Variants in ZNF609 observed in about 807,000 individuals in gnomAD.
ZNF609 encodes zinc finger protein 609.
ZNF609 carries 11 observed loss-of-function variants against 109.5 expected under a neutral mutation model. The ratio of observed to expected loss-of-function variants is 0.10; its 90% CI spans 0.06 to 0.17. The LOEUF (loss-of-function observed/expected upper bound fraction) is 0.17, where lower values mean the gene tolerates loss of function less well. Ranked by LOEUF, ZNF609 falls within the 10% of genes least tolerant of loss-of-function variation. The pLI, the probability that ZNF609 is intolerant of heterozygous loss-of-function variation, is 1.00. For synonymous variants in ZNF609, 646 were observed against 662.0 expected (o/e 0.98, Z 0.37); for missense variants, 1,559 against 1,772.4 (o/e 0.88, Z 2.16).
rs983689323 is a variant in ZNF609 at position 64,471,724 on chromosome 15, C to G, written c.-128+10886C>G. Reference sequence around the variant, plus strand: ...TCAGCCTCCTGAGTAGGTGGCATTACAGGCATGCGGCACCACGCCTGGCTA... The same window carrying G: ...TCAGCCTCCTGAGTAGGTGGCATTAGAGGCATGCGGCACCACGCCTGGCTA... On this transcript the variant is annotated intron_variant, in intron 1 of 9. Coordinates refer to ENST00000326648, the MANE Select transcript of ZNF609 (RefSeq NM_015042.2). Among the ~76,000 whole-genome samples, 47 of 150,714 alleles carry G rather than the reference C, an allele frequency of 3.1e-4. 1 individual carries two copies. The highest frequency in any genetic ancestry group is 1.0e-3 in the African/African-American group (42 of 40,960).
chr15:64,649,135 G>T (rs150242725), intron 3 of ZNF609, among the ~76,000 whole-genome samples: 1 of 151,778 alleles, frequency 6.6e-6, no homozygotes, highest in Admixed American at 6.6e-5. Context: ...GTTATCTCCA[G>T]ATGAATTTTG....
At chr15:64,503,809 TC>T (rs1349958231) in intron 2 of ZNF609, among the ~76,000 whole-genome samples, 1 of 152,188 alleles carries the variant, frequency 6.6e-6, no homozygotes, top group Non-Finnish European at 1.5e-5. Context: ...ATTTACCACT[TC>T]CCCCATTAGT....
At chr15:64,571,683 TC>T (rs1424239180) in intron 2 of ZNF609, among the ~76,000 whole-genome samples, 2 of 152,030 alleles carry the variant, frequency 1.3e-5, no homozygotes, top group African/African-American at 4.8e-5. Context: ...TTTTTTTCAG[TC>T]AGTCTCACTC....
chr15:64,658,221 G>A (rs1007464414), intron 3 of ZNF609, among the ~76,000 whole-genome samples: 4 of 150,720 alleles, frequency 2.7e-5, no homozygotes, highest in Admixed American at 6.6e-5. Flanking sequence ...TTTTTGAGAC[G>A]GAGTCTTGCT....
chr15:64,640,005 C>T (rs1292886106), intron 3 of ZNF609, among the ~76,000 whole-genome samples: 5 of 152,018 alleles, frequency 3.3e-5, no homozygotes, highest in Admixed American at 2.0e-4. Flanking sequence ...CTGCAACCTC[C>T]GCCTCCTGGG....
At chr15:64,574,815 G>A (rs554768444) in intron 2 of ZNF609, among the ~76,000 whole-genome samples, 56 of 152,124 alleles carry the variant, frequency 3.7e-4, no homozygotes, top group Non-Finnish European at 7.3e-4. Context: ...GTGGTTTGCT[G>A]TCAGAACTCT....
At chr15:64,606,142 C>T (rs1895595138) in intron 2 of ZNF609, among the ~76,000 whole-genome samples, 1 of 151,304 alleles carries the variant, frequency 6.6e-6, no homozygotes, top group South Asian at 2.1e-4. Context: ...GGGATAGAGT[C>T]TCACTCTGTC....
chr15:64,495,982 C>G (rs1449657368), intron 1 of ZNF609, among the ~76,000 whole-genome samples: 6 of 151,992 alleles, frequency 3.9e-5, no homozygotes, highest in African/African-American at 1.5e-4. Flanking sequence ...CCACACCCAG[C>G]TAATTTTTGT....
At position 64,682,453 on chromosome 15, in the gene ZNF609, G is replaced by C. The variant is rs2083215867; in HGVS notation, c.*767G>C. On this transcript the variant is annotated 3_prime_UTR_variant, in exon 10 of 10. Coordinates refer to ENST00000326648, the MANE Select transcript of ZNF609 (RefSeq NM_015042.2). ...GGACACTGGGAGCAAGCTGGTGCTG[G>C]AGCATGAATGACGTCTGTGAAGTAG... is the stretch of plus-strand genomic sequence containing the variant. 1 of 152,730 alleles carries C rather than the reference G, an allele frequency of 6.5e-6. No individual in the cohort carries two copies. The highest frequency in any genetic ancestry group is 1.5e-5 in the Non-Finnish European group (1 of 68,092). The allele number at this position is 152,730 out of a possible 1,614,324, so 9.5% of individuals were successfully genotyped here. A position where few individuals can be genotyped will look rare whatever the true frequency, so the allele number is the denominator to read the frequency against.
chr15:64,615,976 G>T (rs1467674415), intron 2 of ZNF609, among the ~76,000 whole-genome samples: 2 of 152,164 alleles, frequency 1.3e-5, no homozygotes, highest in Non-Finnish European at 2.9e-5. Flanking sequence ...AAGACTCATT[G>T]TGAAGGGGAA....
Position 64,685,281 on chromosome 15 carries a change from C to T in ZNF609, c.*3595C>T, listed in dbSNP as rs1490761197. 1 of 152,388 alleles carries T rather than the reference C, an allele frequency of 6.6e-6. No homozygotes were observed. Among genetic ancestry groups the T allele is most frequent in the Non-Finnish European group, 1.5e-5 (1 of 68,014 alleles). 9.4% of individuals were successfully genotyped at this position (152,388 alleles called of 1,614,324 possible). A position where few individuals can be genotyped will look rare whatever the true frequency, so the allele number is the denominator to read the frequency against. On this transcript the variant is annotated 3_prime_UTR_variant, in exon 10 of 10. Coordinates refer to ENST00000326648, the MANE Select transcript of ZNF609 (RefSeq NM_015042.2). The stretch of plus-strand genomic sequence containing the variant: ...GACAATCACAAATCTGTGAGGGCTG[C>T]TGGTTATTTCTCCTGGAGTTTGCTG...
intron 2 of ZNF609, among the ~76,000 whole-genome samples, chr15:64,619,821 C>G (rs1008282664): frequency 2.0e-5 from 3 of 152,174 alleles, no homozygotes; most frequent in African/African-American, 7.2e-5. Flanking sequence ...ATTTGGCAGA[C>G]TGCTTGAATG....
At chr15:64,478,710 A>G (rs1023970187) in intron 1 of ZNF609, among the ~76,000 whole-genome samples, 3 of 152,122 alleles carry the variant, frequency 2.0e-5, no homozygotes, top group African/African-American at 7.2e-5. Flanking sequence ...ACTCAGATCC[A>G]TACTAAGGAA....
intron 2 of ZNF609, among the ~76,000 whole-genome samples, chr15:64,621,736 G>C (rs1314914275): frequency 6.7e-6 from 1 of 149,976 alleles, no homozygotes; most frequent in Non-Finnish European, 1.5e-5. Flanking sequence ...AGAGGTTCTA[G>C]TTTCTGGTTT....
chr15:64,619,429 C>A (rs778255606), intron 2 of ZNF609, among the ~76,000 whole-genome samples: 1 of 152,144 alleles, frequency 6.6e-6, no homozygotes, highest in East Asian at 1.9e-4. Flanking sequence ...GCTTATTATG[C>A]ACTATGGCTT....
In ZNF609 at chr15:64,489,299, CCTCAGCCTCCTGA is replaced by C. The variant is rs1893376947; in HGVS notation, c.-127-9993_-127-9981del. Among the ~76,000 whole-genome samples, 3 of 151,874 alleles carry C rather than the reference CCTCAGCCTCCTGA, an allele frequency of 2.0e-5. No homozygotes were observed. In the South Asian group the frequency reaches 6.2e-4, roughly 32 times the overall value. On this transcript the variant is annotated intron_variant, in intron 1 of 9. Coordinates refer to ENST00000326648, the MANE Select transcript of ZNF609 (RefSeq NM_015042.2). ...CCTCCAAGTTCAAGCAATTCTCCTG[CCTCAGCCTCCTGA>C]GTAGCTGGGATTACAGGCACCTGCC...
At chr15:64,488,612 AT>A (rs1170972276) in intron 1 of ZNF609, among the ~76,000 whole-genome samples, 1 of 152,120 alleles carries the variant, frequency 6.6e-6, no homozygotes, top group Non-Finnish European at 1.5e-5. Flanking sequence ...CATTATTTAT[AT>A]TTTTTGATAA....
At chr15:64,541,352 G>A (rs1432593076) in intron 2 of ZNF609, among the ~76,000 whole-genome samples, 1 of 150,316 alleles carries the variant, frequency 6.7e-6, no homozygotes, top group Non-Finnish European at 1.5e-5. Context: ...GCGTGAACCC[G>A]GGAGGCGGAG....
intron 2 of ZNF609, among the ~76,000 whole-genome samples, chr15:64,530,965 C>G (rs770355961): frequency 4.6e-5 from 7 of 152,282 alleles, no homozygotes; most frequent in Middle Eastern, 3.4e-3. Context: ...GACCTGAGCT[C>G]ACAATATCAT....
Sources: allele counts gnomAD v4.1 joint callset (sites outside exome capture counted in the v4.1 genomes callset), GRCh38; gene constraint gnomAD v4.1.1; transcripts MANE v1.5; gene names NCBI Gene and HGNC (gene_info 2026-07-23, HGNC 2026-07-21).